The following ZFAND3 variants were observed in gnomAD, a reference collection of about 807,000 sequenced individuals.
ZFAND3 encodes zinc finger AN1-type containing 3.
ZFAND3 carries 10 observed loss-of-function variants against 29.6 expected under a neutral mutation model. The ratio of observed to expected loss-of-function variants is 0.34; its 90% CI spans 0.21 to 0.57. The LOEUF is 0.57. Ranked by LOEUF, ZFAND3 falls within the 20% of genes least tolerant of loss-of-function variation. ZFAND3 has a pLI of 0.86. For missense variants in ZFAND3, 230 were observed against 304.5 expected, an observed-to-expected ratio of 0.76 and a Z score of 1.82; for synonymous variants, 128 against 112.6, an observed-to-expected ratio of 1.14 and a Z score of -0.87.
intron 2 of ZFAND3, among the ~76,000 whole-genome samples, chr6:37,962,697 A>G (rs1762218736): frequency 6.6e-6 from 1 of 152,216 alleles, no homozygotes; most frequent in South Asian, 2.1e-4. Flanking sequence ...AAAATGGACC[A>G]ATCAGCAGGA....
At chr6:38,082,309 A>T in intron 3 of ZFAND3, 83 bp from the exon 4 acceptor site, 1 of 1,239,160 alleles carries the variant, frequency 8.1e-7, no homozygotes, top group Non-Finnish European at 1.1e-6. Flanking sequence ...TTCCTTTTTA[A>T]AGTTTCTCTT....
At chr6:37,913,922 G>A (rs1460253360) in intron 1 of ZFAND3, among the ~76,000 whole-genome samples, 2 of 151,488 alleles carry the variant, frequency 1.3e-5, no homozygotes, top group Admixed American at 6.6e-5. Context: ...ATGGGGTTTC[G>A]CCATGTTGGC....
intron 2 of ZFAND3, among the ~76,000 whole-genome samples, chr6:37,978,423 T>C (rs1184001433): frequency 6.6e-6 from 1 of 152,206 alleles, no homozygotes; most frequent in Non-Finnish European, 1.5e-5. Context: ...GGTTTTGTTA[T>C]TAGAGTACTT....
intron 2 of ZFAND3, among the ~76,000 whole-genome samples, chr6:37,981,239 T>G (rs1762575429): frequency 6.6e-6 from 1 of 152,184 alleles, no homozygotes; most frequent in Non-Finnish European, 1.5e-5. Flanking sequence ...GAATAGCGTG[T>G]TTCTTGTATT....
intron 2 of ZFAND3, among the ~76,000 whole-genome samples, chr6:38,039,485 G>C (rs890457230): frequency 6.6e-6 from 1 of 152,194 alleles, no homozygotes; most frequent in African/African-American, 2.4e-5. Flanking sequence ...CTCAGAAGGA[G>C]ACACAAGAGG....
intron 2 of ZFAND3, among the ~76,000 whole-genome samples, chr6:38,023,324 T>A (rs752151648): frequency 3.9e-5 from 6 of 152,328 alleles, no homozygotes; most frequent in Non-Finnish European, 8.8e-5. Context: ...ATTGAAGTAT[T>A]ATTCCCAACA....
intron 1 of ZFAND3, among the ~76,000 whole-genome samples, chr6:37,920,795 G>T (rs941561912): frequency 2.0e-5 from 3 of 152,136 alleles, no homozygotes; most frequent in African/African-American, 7.2e-5. Context: ...GGACAGGCTG[G>T]TTGCACCCCT....
rs539617800 is a variant in ZFAND3 at position 37,996,848 on chromosome 6, T to A, written c.113-64745T>A. On this transcript the variant is annotated intron_variant, in intron 2 of 5. Coordinates refer to ENST00000287218, the MANE Select transcript of ZFAND3 (RefSeq NM_021943.3). Reference sequence around the variant, plus strand: ...TTGTTTTCCAATTATTTTGAATTGTTGCATATTATACCATTGACCTAATTT... The same window carrying A: ...TTGTTTTCCAATTATTTTGAATTGTAGCATATTATACCATTGACCTAATTT... Among the ~76,000 whole-genome samples the A allele has an allele frequency of 2.0e-5, 3 of 152,340 alleles. No individual in the cohort carries two copies. The South Asian group carries it at 6.2e-4, about 32-fold the overall frequency.
chr6:37,959,150 C>T (rs1028281551), intron 2 of ZFAND3, among the ~76,000 whole-genome samples: 1 of 152,212 alleles, frequency 6.6e-6, no homozygotes, highest in Non-Finnish European at 1.5e-5. Context: ...TGCTTAAATG[C>T]AAGACTTTGC....
At chr6:37,851,407 A>G (rs957338733) in intron 1 of ZFAND3, among the ~76,000 whole-genome samples, 3 of 152,162 alleles carry the variant, frequency 2.0e-5, no homozygotes, top group East Asian at 1.9e-4. Flanking sequence ...CCAAAAAAGG[A>G]TAAGTTCTTA....
At chr6:37,964,759 ATTAC>A (rs1762261274) in intron 2 of ZFAND3, among the ~76,000 whole-genome samples, 3 of 152,050 alleles carry the variant, frequency 2.0e-5, no homozygotes, top group Admixed American at 2.0e-4. Context: ...GTTTTCTTTT[ATTAC>A]TTTATGTGGT....
chr6:37,836,906 T>G (rs1763978538), intron 1 of ZFAND3, among the ~76,000 whole-genome samples: 4 of 152,196 alleles, frequency 2.6e-5, no homozygotes, highest in Admixed American at 2.6e-4. Context: ...ACCATCTCTC[T>G]CAGCTTTTGT....
At chr6:38,006,402 C>T (rs1412121505) in intron 2 of ZFAND3, among the ~76,000 whole-genome samples, 1 of 151,892 alleles carries the variant, frequency 6.6e-6, no homozygotes, top group Non-Finnish European at 1.5e-5. Flanking sequence ...GTGAAATTTG[C>T]CTAATTAAGA....
At chr6:37,895,786 A>G (rs753789605) in intron 1 of ZFAND3, among the ~76,000 whole-genome samples, 9 of 152,108 alleles carry the variant, frequency 5.9e-5, no homozygotes, top group Non-Finnish European at 1.3e-4. Context: ...TTATTTTGGC[A>G]TGCTGTTAAG....
intron 5 of ZFAND3, among the ~76,000 whole-genome samples, chr6:38,134,570 C>T (rs1358139431): frequency 6.6e-6 from 1 of 152,180 alleles, no homozygotes; most frequent in Admixed American, 6.5e-5. Context: ...GCTTCTTTCC[C>T]TTGCTGGACT....
chr6:38,007,302 G>A (rs1763067544), intron 2 of ZFAND3, among the ~76,000 whole-genome samples: 2 of 152,126 alleles, frequency 1.3e-5, no homozygotes, highest in South Asian at 2.1e-4. Context: ...TTACATGCCT[G>A]TAATCCTAGC....
chr6:38,145,978 ATTGTGTTT>A (rs1422952405), intron 5 of ZFAND3, among the ~76,000 whole-genome samples: 3 of 152,088 alleles, frequency 2.0e-5, no homozygotes, highest in African/African-American at 7.2e-5. Flanking sequence ...TAGGTCTTGA[ATTGTGTTT>A]TTGCCTTTTG....
chr6:38,142,879 T>C (rs1765992349), intron 5 of ZFAND3: 1 of 154,712 alleles, frequency 6.5e-6, no homozygotes, highest in Non-Finnish European at 1.4e-5. Flanking sequence ...CATTTTCTCT[T>C]AGTTTTTAAA....
At chr6:38,042,313 C>CTTTTTTTTTTTTTTTTTTTTTTTTTT (rs35136153) in intron 2 of ZFAND3, among the ~76,000 whole-genome samples, 2 of 91,920 alleles carry the variant, frequency 2.2e-5, no homozygotes, top group African/African-American at 3.8e-5. Context: ...CTTGAGCTTG[C>CTTTTTTTTTTTTTTTTTTTTTTTTTT]TTTTTTTTTT....
Sources: gnomAD v4.1 joint callset for allele counts (sites outside exome capture counted in the v4.1 genomes callset) on GRCh38, gnomAD v4.1.1 for gene constraint, MANE v1.5 for transcripts, NCBI Gene and HGNC (gene_info 2026-07-23, HGNC 2026-07-21) for gene names.